The following DRC3 variants were observed in gnomAD, a reference collection of about 807,000 sequenced individuals.
DRC3 encodes leucine rich repeat containing 48.
In DRC3, 45 loss-of-function variants were observed where a neutral mutation model predicts 57.6. That is an observed-to-expected ratio of 0.78 (90% CI 0.62 to 1.00). The LOEUF is 1.00. DRC3 is among the 50% of genes least tolerant of loss of function. DRC3 has a pLI of 0.00. For missense variants in DRC3, 655 were observed against 675.2 expected, an observed-to-expected ratio of 0.97 and a Z score of 0.33; for synonymous variants, 257 against 272.3, an observed-to-expected ratio of 0.94 and a Z score of 0.55.
At position 18,016,065 on chromosome 17, in the gene DRC3, T is replaced by G; in HGVS notation, c.1328T>G (p.Leu443Arg). ...CATTGGATTCTTTTCACTCACCAGC[T>G]TTTTGTCGATAAAGATACGATTGTT... ...DEDLPNDLRA[L>R]FVDKDTIVNA... The change falls in exon 13 of 14, where the codon CTT becomes CGT. Residue 443 changes from leucine (L) to arginine (R), a missense_variant and splice_region_variant. By Grantham distance (102) the Leu-to-Arg change is moderately radical (BLOSUM62 -2). Transcript: ENST00000399187. 3 of 1,613,344 alleles carry G rather than the reference T, an allele frequency of 1.9e-6. No individual in the cohort carries two copies. The highest frequency in any genetic ancestry group is 2.2e-5 in the South Asian group (2 of 91,078).
intron 3 of DRC3, chr17:17,981,171 A>G: frequency 4.8e-6 from 1 of 207,472 alleles, no homozygotes; most frequent in East Asian, 1.0e-4. Context: ...TAGAAAAGCC[A>G]GGTGTAAGTT....
At chr17:17,994,732 G>A (rs1021949626) in intron 7 of DRC3, among the ~76,000 whole-genome samples, 2 of 152,178 alleles carry the variant, frequency 1.3e-5, no homozygotes, top group African/African-American at 2.4e-5. Flanking sequence ...TGCCAGGAAC[G>A]GCTCAGGTCC....
chr17:17,995,423 CTTGT>C (rs2043419603), intron 8 of DRC3, among the ~76,000 whole-genome samples: 2 of 152,230 alleles, frequency 1.3e-5, no homozygotes, highest in Non-Finnish European at 2.9e-5. Flanking sequence ...GCCATACTCA[CTTGT>C]TCTTGTTGTG....
chr17:17,980,190 A>G (rs2042593820), intron 3 of DRC3, among the ~76,000 whole-genome samples: 1 of 150,102 alleles, frequency 6.7e-6, no homozygotes, highest in African/African-American at 2.4e-5. Context: ...TCACAACCTC[A>G]CAGGCAGGCT....
At chr17:17,980,043 G>T (rs571393635) in intron 3 of DRC3, among the ~76,000 whole-genome samples, 2 of 151,798 alleles carry the variant, frequency 1.3e-5, no homozygotes, top group Non-Finnish European at 2.9e-5. Flanking sequence ...GAACCCAGGA[G>T]AGGTGCAGGG....
At chr17:18,010,151 G>C (rs1047055212) in intron 12 of DRC3, among the ~76,000 whole-genome samples, 26 of 152,368 alleles carry the variant, frequency 1.7e-4, no homozygotes, top group African/African-American at 6.0e-4. Flanking sequence ...TCTGGACAGG[G>C]AGACTGCCAC....
chr17:18,010,854 C>G (rs1321040113), intron 12 of DRC3: 8 of 366,362 alleles, frequency 2.2e-5, no homozygotes, highest in Admixed American at 1.6e-4. Flanking sequence ...AGATCAAGTC[C>G]CTGGAAGAGA....
chr17:17,987,669 A>G (rs1394472838), intron 4 of DRC3, among the ~76,000 whole-genome samples: 1 of 152,206 alleles, frequency 6.6e-6, no homozygotes, highest in East Asian at 1.9e-4. Context: ...ATGGCAGAGC[A>G]TAGACACCAG....
intron 2 of DRC3, among the ~76,000 whole-genome samples, chr17:17,975,507 A>ACC (rs2042340247): frequency 2.3e-5 from 3 of 128,926 alleles, no homozygotes; most frequent in African/African-American, 9.6e-5. Flanking sequence ...ACCGCGCCTG[A>ACC]CCTCCCCACC....
intron 1 of DRC3, 71 bp from the exon 2 acceptor site, chr17:17,973,781 T>C (rs2042250614): frequency 6.6e-6 from 1 of 152,228 alleles, no homozygotes. Context: ...ACCAATTTTC[T>C]CCTTATTAAT....
At position 17,996,872 on chromosome 17, in the gene DRC3, C is replaced by T. The variant is rs1268263426; in HGVS notation, c.825-588C>T. On this transcript the variant is annotated intron_variant, in intron 8 of 13. Coordinates refer to ENST00000399187, the MANE Select transcript of DRC3 (RefSeq NM_031294.4). ...TTTACCTGGTTGACTCCAAGGACTC[C>T]GTGTCGCAGGCCCTTTTGTACCCTC... Among the ~76,000 whole-genome samples the T allele has an allele frequency of 4.6e-5, 7 of 152,184 alleles. No homozygotes were observed. The South Asian group carries it at 6.2e-4, about 14-fold the overall frequency.
Position 17,997,564 on chromosome 17 carries a change from G to C in DRC3, c.929G>C (p.Arg310Pro), listed in dbSNP as rs199972472. Residue 310 changes from arginine (R) to proline (P), a missense_variant, in exon 9 of 14, where the codon CGT becomes CCT. By Grantham distance (103) the Arg-to-Pro change is moderately radical. Coordinates refer to ENST00000399187, the MANE Select transcript of DRC3 (RefSeq NM_031294.4). ...CTTGACACCTTCAGTGAATGTGTCC[G>C]TGAGGCCATCCAGGAAAACCAGGAG... Reference protein sequence around the residue: ...TELDTFSECVREAIQENQEQG... With the variant: ...TELDTFSECVPEAIQENQEQG... 1 of 1,610,102 alleles carries C rather than the reference G, an allele frequency of 6.2e-7. No individual in the cohort carries two copies. The highest frequency in any genetic ancestry group is 1.1e-5 in the South Asian group (1 of 90,274).
intron 11 of DRC3, chr17:18,006,664 C>T: frequency 2.7e-6 from 1 of 367,408 alleles, no homozygotes; most frequent in South Asian, 2.9e-5. Context: ...TGTGCTCCAG[C>T]TAGCAGCAGC....
At chr17:17,999,312 C>T (rs1338984241) in intron 9 of DRC3, among the ~76,000 whole-genome samples, 1 of 152,222 alleles carries the variant, frequency 6.6e-6, no homozygotes, top group African/African-American at 2.4e-5. Flanking sequence ...GGATCCTGCT[C>T]AGCCTGCATG....
intron 4 of DRC3, 25 bp downstream of exon 4, chr17:17,983,969 C>T: frequency 6.8e-7 from 1 of 1,463,110 alleles, no homozygotes; most frequent in Non-Finnish European, 9.6e-7. Context: ...TCTGTGTGTC[C>T]ACCCTAATCG....
In DRC3 at chr17:18,007,158, C is replaced by A; in HGVS notation, c.1326+11C>A. ...AACGACCTGCGCGCGGTAGGCGGGG[C>A]GGGCTGCTCGGAGCCTGACAGATGT... On this transcript the variant is annotated intron_variant, in intron 12 of 13. Transcript: ENST00000399187. The A allele has an allele frequency of 9.1e-6, 9 of 993,924 alleles. No homozygotes were observed. The highest frequency in any genetic ancestry group is 3.3e-5 in the South Asian group (2 of 60,638). The allele number at this position is 993,924 out of a possible 1,614,324, so 61.6% of individuals were successfully genotyped here.
intron 8 of DRC3, chr17:17,995,566 A>C (rs2145348773): frequency 6.1e-6 from 1 of 163,580 alleles, no homozygotes; most frequent in South Asian, 1.7e-4. Context: ...CAGCTTTTGA[A>C]GCTTTGTCTG....
Position 17,977,709 on chromosome 17 carries a change from G to A in DRC3, c.111G>A (p.Gln37=), listed in dbSNP as rs1568449066. ...AGGAGGCCGGGCAGCTGGCCAAGCA[G>A]GAGGGCATCCTCTTCAAGGATGTCC... ...PQEEAGQLAK[Q]EGILFKDVLS... is the part of the protein sequence containing the mutation. The change falls in exon 3 of 14, where the codon CAG becomes CAA. Residue 37 remains glutamine, a synonymous_variant. Transcript: ENST00000399187. The A allele has an allele frequency of 6.2e-7, 1 of 1,613,532 alleles. No individual in the cohort carries two copies. The highest frequency in any genetic ancestry group is 8.5e-7 in the Non-Finnish European group (1 of 1,179,766).
In DRC3 at chr17:18,006,415, A is replaced by G. The variant is rs895111345; in HGVS notation, c.1202+162A>G. On this transcript the variant is annotated intron_variant, in intron 11 of 13. Coordinates refer to ENST00000399187, the MANE Select transcript of DRC3 (RefSeq NM_031294.4). Reference sequence around the variant, plus strand: ...AGCTGTGGTTTGGATGCCCAGAGGGACAACATCCAAACTGTTTGCAGTAGG... The same window carrying G: ...AGCTGTGGTTTGGATGCCCAGAGGGGCAACATCCAAACTGTTTGCAGTAGG... The G allele has an allele frequency of 5.8e-5, 36 of 617,394 alleles. No individual in the cohort carries two copies. In the African/African-American group the frequency reaches 6.1e-4, roughly 10 times the overall value. The allele number at this position is 617,394 out of a possible 1,614,324, so 38.2% of individuals were successfully genotyped here. A position where few individuals can be genotyped will look rare whatever the true frequency, so the allele number is the denominator to read the frequency against.
Sources: gnomAD v4.1 joint callset for allele counts (sites outside exome capture counted in the v4.1 genomes callset) on GRCh38, gnomAD v4.1.1 for gene constraint, MANE v1.5 for transcripts, NCBI Gene and HGNC (gene_info 2026-07-23, HGNC 2026-07-21) for gene names.